The following NELL1 variants were observed in gnomAD, a reference collection of about 807,000 sequenced individuals.
The protein encoded by NELL1 is neural EGFL like 1, also known as protein kinase C-binding protein NELL1.
A neutral mutation model predicts 107.4 loss-of-function variants in NELL1; 76 were observed. The observed-to-expected ratio is 0.71, with a 90% confidence interval of 0.59 to 0.86. NELL1 has a LOEUF of 0.86. NELL1 is among the 40% of genes least tolerant of loss of function. The pLI, the probability that NELL1 is intolerant of heterozygous loss-of-function variation, is 0.00. For synonymous variants in NELL1, 353 were observed against 341.2 expected, an observed-to-expected ratio of 1.03 and a Z score of -0.38; for missense variants, 1,024 against 1,005.5, an observed-to-expected ratio of 1.02 and a Z score of -0.25.
chr11:21,501,982 G>A (rs1287080775), intron 15 of NELL1, among the ~76,000 whole-genome samples: 2 of 152,122 alleles, frequency 1.3e-5, no homozygotes, highest in African/African-American at 4.8e-5. Flanking sequence ...TTGGCAAGTA[G>A]TTACCATAGC....
chr11:20,842,889 C>T (rs911938033), intron 3 of NELL1, among the ~76,000 whole-genome samples: 9 of 152,150 alleles, frequency 5.9e-5, no homozygotes, highest in Middle Eastern at 3.4e-3. Context: ...AGGCAGTTCT[C>T]CTAGTAATGA....
intron 2 of NELL1, among the ~76,000 whole-genome samples, chr11:20,766,604 G>T (rs1359581650): frequency 1.3e-5 from 2 of 152,200 alleles, no homozygotes; most frequent in African/African-American, 4.8e-5. Context: ...CTGGGGTCCT[G>T]CTTTGAATCT....
Position 20,725,247 on chromosome 11 carries a change from A to G in NELL1, c.184+47187A>G, listed in dbSNP as rs1043341475. 3.3e-5 allele frequency among the ~76,000 whole-genome samples: 5 copies of G among 152,320 alleles called. No homozygotes were observed. In the East Asian group the frequency reaches 9.6e-4, roughly 29 times the overall value. ...ATTCATCTGTTGACTCCCAACTACT[A>G]TTGTTCCAAATTTCCTACATGAAAC... On this transcript the variant is annotated intron_variant, in intron 2 of 19. Coordinates refer to ENST00000357134, the MANE Select transcript of NELL1 (RefSeq NM_006157.5).
chr11:21,276,635 T>A (rs1362287729), intron 14 of NELL1, among the ~76,000 whole-genome samples: 37 of 152,120 alleles, frequency 2.4e-4, no homozygotes, highest in Admixed American at 2.4e-3. Flanking sequence ...TCACACTACC[T>A]GACTTCAAAC....
intron 2 of NELL1, among the ~76,000 whole-genome samples, chr11:20,711,271 T>A (rs533869009): frequency 6.6e-6 from 1 of 152,158 alleles, no homozygotes; most frequent in East Asian, 1.9e-4. Flanking sequence ...TTAGTGTGAG[T>A]CCTTAGGTGT....
At chr11:21,083,657 CTG>C (rs1277902558) in intron 12 of NELL1, among the ~76,000 whole-genome samples, 1 of 152,066 alleles carries the variant, frequency 6.6e-6, no homozygotes, top group African/African-American at 2.4e-5. Flanking sequence ...TAAACTAGAT[CTG>C]GGCTGTATCT....
intron 3 of NELL1, among the ~76,000 whole-genome samples, chr11:20,795,549 G>C (rs1239066038): frequency 6.6e-6 from 1 of 152,134 alleles, no homozygotes. Context: ...AAAATGGAAA[G>C]CTTAATTAAT....
At chr11:20,968,135 C>A (rs368985854) in intron 12 of NELL1, among the ~76,000 whole-genome samples, 2 of 152,146 alleles carry the variant, frequency 1.3e-5, no homozygotes, top group South Asian at 2.1e-4. Context: ...CATCAGTTAC[C>A]CCCTATACCA....
At chr11:21,095,756 A>G (rs1441320741) in intron 12 of NELL1, among the ~76,000 whole-genome samples, 1 of 152,054 alleles carries the variant, frequency 6.6e-6, no homozygotes, top group Non-Finnish European at 1.5e-5. Flanking sequence ...GATTACAGGC[A>G]TGCACCACCA....
chr11:21,539,445 A>G (rs1856232697), intron 16 of NELL1, among the ~76,000 whole-genome samples: 1 of 151,866 alleles, frequency 6.6e-6, no homozygotes, highest in Non-Finnish European at 1.5e-5. Context: ...AGGAAAAATC[A>G]TATTACACAC....
intron 14 of NELL1, among the ~76,000 whole-genome samples, chr11:21,361,259 ATTTTTTTTTTTTTTTTT>A: frequency 8.8e-6 from 1 of 113,578 alleles, no homozygotes; most frequent in African/African-American, 3.4e-5. Flanking sequence ...TTGTGTGACA[ATTTTTTTTTTTTTTTTT>A]TTTTTTTTTT....
At chr11:21,335,662 A>G (rs1850373469) in intron 14 of NELL1, among the ~76,000 whole-genome samples, 1 of 152,052 alleles carries the variant, frequency 6.6e-6, no homozygotes, top group South Asian at 2.1e-4. Flanking sequence ...CAGTCAAATA[A>G]AGCTTATGAC....
chr11:21,083,783 T>A (rs1854323467), intron 12 of NELL1, among the ~76,000 whole-genome samples: 1 of 152,204 alleles, frequency 6.6e-6, no homozygotes, highest in Non-Finnish European at 1.5e-5. Context: ...CTTATTACTG[T>A]CCCTCACTGC....
At chr11:21,396,274 A>G (rs1851978335) in intron 15 of NELL1, among the ~76,000 whole-genome samples, 1 of 151,614 alleles carries the variant, frequency 6.6e-6, no homozygotes, top group Non-Finnish European at 1.5e-5. Flanking sequence ...CAGCAACTGA[A>G]TTCACCCACA....
intron 12 of NELL1, among the ~76,000 whole-genome samples, chr11:21,083,205 C>T (rs970793773): frequency 3.3e-5 from 5 of 152,096 alleles, no homozygotes; most frequent in African/African-American, 4.8e-5. Flanking sequence ...GTGTCAACCA[C>T]GGGGCCATTG....
chr11:20,901,320 A>G (rs1849868498), intron 5 of NELL1, among the ~76,000 whole-genome samples: 2 of 152,140 alleles, frequency 1.3e-5, no homozygotes, highest in South Asian at 4.1e-4. Context: ...AGCAATAACA[A>G]AAACTGCAAT....
At chr11:21,200,611 T>A (rs1185790850) in intron 13 of NELL1, among the ~76,000 whole-genome samples, 1 of 152,244 alleles carries the variant, frequency 6.6e-6, no homozygotes, top group East Asian at 1.9e-4. Flanking sequence ...ATAGTTTCTT[T>A]TGCTGTGCAG....
chr11:21,361,669 T>C (rs1851079499), intron 14 of NELL1, among the ~76,000 whole-genome samples: 1 of 152,204 alleles, frequency 6.6e-6, no homozygotes, highest in Admixed American at 6.5e-5. Flanking sequence ...TCTTGGAGGC[T>C]TTGTTCATGT....
intron 12 of NELL1, among the ~76,000 whole-genome samples, chr11:21,068,031 T>TAAAAAA (rs1853918754): frequency 5.5e-4 from 2 of 3,630 alleles, no homozygotes; most frequent in Non-Finnish European, 4.0e-4. Flanking sequence ...AGATGCCATC[T>TAAAAAA]CAAAAAAAAA....
Sources: gnomAD v4.1 joint callset for allele counts (sites outside exome capture counted in the v4.1 genomes callset) on GRCh38, gnomAD v4.1.1 for gene constraint, MANE v1.5 for transcripts, NCBI Gene and HGNC (gene_info 2026-07-23, HGNC 2026-07-21) for gene names.